The following PRKN variants were observed in gnomAD, a reference collection of about 807,000 sequenced individuals.
PRKN encodes the protein parkin RBR E3 ubiquitin protein ligase.
A neutral mutation model predicts 59.5 loss-of-function variants in PRKN; 56 were observed. That is an observed-to-expected ratio of 0.94 (90% CI 0.76 to 1.18). PRKN has a LOEUF of 1.18. Among genes scored for constraint, PRKN ranks in the 50% most tolerant of loss-of-function variants. The pLI is 0.00. For synonymous variants in PRKN, 250 were observed against 222.1 expected, an observed-to-expected ratio of 1.13 and a Z score of -1.12; for missense variants, 657 against 596.4, an observed-to-expected ratio of 1.10 and a Z score of -1.06.
intron 8 of PRKN, among the ~76,000 whole-genome samples, chr6:161,563,333 C>A (rs897185180): frequency 6.6e-6 from 1 of 152,146 alleles, no homozygotes; most frequent in Non-Finnish European, 1.5e-5. Context: ...AAGGTTATTT[C>A]CATAAAATTT....
chr6:162,123,526 TC>T (rs1403405360), intron 4 of PRKN, among the ~76,000 whole-genome samples: 1 of 152,232 alleles, frequency 6.6e-6, no homozygotes, highest in Non-Finnish European at 1.5e-5. Context: ...GTTAACTTTA[TC>T]ATTTAAGTTA....
chr6:162,506,050 C>T (rs1312830392), intron 1 of PRKN, among the ~76,000 whole-genome samples: 1 of 152,044 alleles, frequency 6.6e-6, no homozygotes, highest in East Asian at 1.9e-4. Flanking sequence ...ACTTGATCCT[C>T]CATTTGGTGC....
intron 1 of PRKN, among the ~76,000 whole-genome samples, chr6:162,483,480 T>A (rs1177090740): frequency 6.6e-6 from 1 of 151,596 alleles, no homozygotes; most frequent in African/African-American, 2.4e-5. Flanking sequence ...AGCATCAGAC[T>A]GGGATACAGA....
At chr6:161,993,256 C>T (rs978522973) in intron 5 of PRKN, among the ~76,000 whole-genome samples, 11 of 152,068 alleles carry the variant, frequency 7.2e-5, no homozygotes, top group East Asian at 1.9e-4. Flanking sequence ...AAAGCATACA[C>T]GAATAGGAGA....
chr6:162,651,724 G>T (rs1346134755), intron 1 of PRKN, among the ~76,000 whole-genome samples: 1 of 152,194 alleles, frequency 6.6e-6, no homozygotes, highest in Non-Finnish European at 1.5e-5. Context: ...AGTGGATTTA[G>T]AGAGTGCTCT....
At chr6:161,925,992 A>G (rs1778954910) in intron 6 of PRKN, among the ~76,000 whole-genome samples, 1 of 152,168 alleles carries the variant, frequency 6.6e-6, no homozygotes, top group Non-Finnish European at 1.5e-5. Context: ...AGAACATTGG[A>G]GCTGAGAGAG....
At chr6:162,548,728 T>C (rs546799327) in intron 1 of PRKN, among the ~76,000 whole-genome samples, 1 of 152,300 alleles carries the variant, frequency 6.6e-6, no homozygotes, top group South Asian at 2.1e-4. Flanking sequence ...TGCAAATTTC[T>C]TGATGAACGA....
chr6:161,490,734 T>G (rs1386645477), intron 9 of PRKN, among the ~76,000 whole-genome samples: 1 of 152,060 alleles, frequency 6.6e-6, no homozygotes, highest in Non-Finnish European at 1.5e-5. Flanking sequence ...TTTGGCTGTG[T>G]GTCCCCACCA....
chr6:162,106,985 C>T (rs1780216104), intron 4 of PRKN, among the ~76,000 whole-genome samples: 1 of 152,198 alleles, frequency 6.6e-6, no homozygotes, highest in Non-Finnish European at 1.5e-5. Context: ...TGCATTTGCT[C>T]TTTCAATACA....
chr6:162,512,902 G>A (rs1298452274), intron 1 of PRKN, among the ~76,000 whole-genome samples: 1 of 152,026 alleles, frequency 6.6e-6, no homozygotes, highest in Non-Finnish European at 1.5e-5. Context: ...TCTAGCATAC[G>A]GTGCTATGCA....
chr6:162,519,080 G>C (rs758770714), intron 1 of PRKN, among the ~76,000 whole-genome samples: 6 of 152,088 alleles, frequency 3.9e-5, no homozygotes, highest in Non-Finnish European at 5.9e-5. Context: ...TGAGGCAGGA[G>C]AATCGCTTGA....
In PRKN at chr6:162,443,411, A is replaced by T. The variant is rs1221959433; in HGVS notation, c.70T>A (p.Phe24Ile). Residue 24 changes from phenylalanine to isoleucine, a missense_variant, in exon 2 of 12, where the codon TTC becomes ATC. Coordinates refer to ENST00000366898, the MANE Select transcript of PRKN (RefSeq NM_004562.3). ...TTAGCAACCACCTCCTTGAGCTGGA[A>T]GATGCTGGTGTCAGAATCGACCTCC... Reference protein sequence around the residue: ...PVEVDSDTSIFQLKEVVAKRQ... With the variant: ...PVEVDSDTSIIQLKEVVAKRQ... 1.2e-6 allele frequency: 2 copies of T among 1,614,062 alleles called. No homozygotes were observed. The highest frequency in any genetic ancestry group is 1.7e-6 in the Non-Finnish European group (2 of 1,179,966).
chr6:162,573,479 C>T (rs1246363806), intron 1 of PRKN, among the ~76,000 whole-genome samples: 2 of 152,170 alleles, frequency 1.3e-5, no homozygotes, highest in African/African-American at 2.4e-5. Context: ...GTTGTGACAA[C>T]GTTCCAGCTA....
chr6:161,951,000 C>T (rs1242541763), intron 6 of PRKN, among the ~76,000 whole-genome samples: 2 of 95,486 alleles, frequency 2.1e-5, no homozygotes, highest in Non-Finnish European at 4.1e-5. Flanking sequence ...GAAAGAAAAT[C>T]ATCAATAAAT....
chr6:162,288,298 G>C (rs751598595), intron 2 of PRKN, among the ~76,000 whole-genome samples: 2 of 152,114 alleles, frequency 1.3e-5, no homozygotes, highest in Non-Finnish European at 2.9e-5. Context: ...TAGCTCTTGA[G>C]TGTCTCACTC....
chr6:161,439,703 A>T (rs1583069833), intron 9 of PRKN, among the ~76,000 whole-genome samples: 2 of 151,496 alleles, frequency 1.3e-5, no homozygotes, highest in Admixed American at 6.6e-5. Flanking sequence ...AGGAAGCTAG[A>T]TTTTTTTTTA....
chr6:161,862,566 C>A (rs1408985286), intron 6 of PRKN, among the ~76,000 whole-genome samples: 1 of 152,078 alleles, frequency 6.6e-6, no homozygotes, highest in Non-Finnish European at 1.5e-5. Context: ...GTATAAATTC[C>A]CATGAGCTCC....
At chr6:161,519,406 C>T (rs1183897840) in intron 9 of PRKN, among the ~76,000 whole-genome samples, 2 of 133,394 alleles carry the variant, frequency 1.5e-5, no homozygotes, top group African/African-American at 5.8e-5. Flanking sequence ...TAAGCTTATC[C>T]TCCAGACTTT....
intron 1 of PRKN, among the ~76,000 whole-genome samples, chr6:162,605,084 T>C (rs2128217774): frequency 6.6e-6 from 1 of 152,306 alleles, no homozygotes; most frequent in South Asian, 2.1e-4. Flanking sequence ...AAAGTGATCT[T>C]TTCATTATCC....
Sources: gnomAD v4.1 joint callset for allele counts (sites outside exome capture counted in the v4.1 genomes callset) on GRCh38, gnomAD v4.1.1 for gene constraint, MANE v1.5 for transcripts, NCBI Gene and HGNC (gene_info 2026-07-23, HGNC 2026-07-21) for gene names.